Variants in TENT2 observed in about 807,000 individuals in gnomAD.
TENT2 encodes the protein terminal nucleotidyltransferase 2, also known as poly(A) RNA polymerase GLD2.
TENT2 carries 44 observed loss-of-function variants against 72.2 expected under a neutral mutation model. That is an observed-to-expected ratio of 0.61 (90% CI 0.48 to 0.78). The LOEUF is 0.78. Among genes scored for constraint, TENT2 ranks in the 30% least tolerant of loss-of-function variants. TENT2 has a pLI of 0.00. For missense variants in TENT2, 541 were observed against 569.6 expected (o/e 0.95, Z 0.51); for synonymous variants, 212 against 192.5 (o/e 1.10, Z -0.84).
Position 79,623,486 on chromosome 5 carries a change from TA to T in TENT2, c.464del (p.Lys155SerfsTer2). The T allele has an allele frequency of 6.3e-7, 1 of 1,589,194 alleles. No homozygotes were observed. ...REITLPEAKDKLSQQILELFE... is the reference protein window; with the variant it reads ...REITLPEAKDXLSQQILELFE... ...AAATCACACTGCCTGAGGCCAAAGA[TA>T]AGGTAATAATAATGTAGATTTTAGT... On this transcript the variant is annotated frameshift_variant and splice_region_variant, in exon 4 of 15. Coordinates refer to ENST00000453514, the MANE Select transcript of TENT2 (RefSeq NM_001114394.3). LOFTEE classifies it high-confidence loss of function.
intron 4 of TENT2, among the ~76,000 whole-genome samples, chr5:79,627,798 T>TTA (rs1771639683): frequency 6.6e-6 from 1 of 152,206 alleles, no homozygotes; most frequent in African/African-American, 2.4e-5. Context: ...ACCAATTTCT[T>TTA]TGAGTGCCAC....
intron 10 of TENT2, among the ~76,000 whole-genome samples, chr5:79,650,746 C>T (rs1439439775): frequency 6.6e-6 from 1 of 151,990 alleles, no homozygotes; most frequent in Non-Finnish European, 1.5e-5. Flanking sequence ...TTGGGGATTA[C>T]AATTTTGTTA....
At chr5:79,614,577 A>G (rs1580125465) in intron 1 of TENT2, among the ~76,000 whole-genome samples, 1 of 152,228 alleles carries the variant, frequency 6.6e-6, no homozygotes, top group Admixed American at 6.5e-5. Flanking sequence ...AAAATTGGAT[A>G]TTGCCAATAT....
At position 79,686,914 on chromosome 5, in the gene TENT2, T is replaced by A. The variant is rs1006793859; in HGVS notation, c.*1641T>A. On this transcript the variant is annotated 3_prime_UTR_variant, in exon 15 of 15. Transcript: ENST00000453514. ...TGTGCATCTCTTAATCAGAATGTAC[T>A]GAGTAGAGTTAATATTCTAGTGATG... Among the ~76,000 whole-genome samples the A allele has an allele frequency of 3.3e-5, 5 of 152,326 alleles. No homozygotes were observed. The South Asian group carries it at 1.0e-3, about 32-fold the overall frequency.
intron 14 of TENT2, among the ~76,000 whole-genome samples, chr5:79,684,659 TTA>T (rs1825192147): frequency 4.6e-5 from 7 of 152,256 alleles, no homozygotes; most frequent in African/African-American, 1.7e-4. Flanking sequence ...TTTGTCTTAA[TTA>T]CCTTGCTACT....
intron 11 of TENT2, among the ~76,000 whole-genome samples, chr5:79,666,961 G>A (rs184275109): frequency 8.4e-4 from 128 of 152,206 alleles, no homozygotes; most frequent in Non-Finnish European, 1.6e-3. Context: ...TTGGATTTCT[G>A]CTTCAGTTCT....
chr5:79,650,595 C>G (rs188886225), intron 10 of TENT2, among the ~76,000 whole-genome samples: 1 of 152,080 alleles, frequency 6.6e-6, no homozygotes. Flanking sequence ...ATAATATTAG[C>G]AATTTTGTCA....
At chr5:79,642,933 TTGTA>T in intron 7 of TENT2, 23 bp downstream of exon 7, 1 of 1,604,632 alleles carries the variant, frequency 6.2e-7, no homozygotes, top group Non-Finnish European at 8.5e-7. Context: ...TGCCTCAAGT[TTGTA>T]TGTCACCTGA....
intron 10 of TENT2, among the ~76,000 whole-genome samples, chr5:79,653,740 A>G (rs867718098): frequency 1.3e-5 from 2 of 152,166 alleles, no homozygotes; most frequent in South Asian, 2.1e-4. Context: ...GAGATGATTA[A>G]AATAGTTGCT....
At chr5:79,646,630 A>G (rs1307873784) in intron 8 of TENT2, among the ~76,000 whole-genome samples, 2 of 152,208 alleles carry the variant, frequency 1.3e-5, no homozygotes, top group Non-Finnish European at 2.9e-5. Context: ...GATATAAAAT[A>G]TATAGGGAGA....
At chr5:79,632,631 A>G (rs1428880854) in intron 4 of TENT2, among the ~76,000 whole-genome samples, 2 of 152,202 alleles carry the variant, frequency 1.3e-5, no homozygotes, top group African/African-American at 4.8e-5. Flanking sequence ...TAAAAAGACA[A>G]TTATTAAAGA....
chr5:79,652,230 G>C (rs1189390494), intron 10 of TENT2, among the ~76,000 whole-genome samples: 1 of 151,896 alleles, frequency 6.6e-6, no homozygotes, highest in Non-Finnish European at 1.5e-5. Flanking sequence ...AAATTTTCTA[G>C]AATAGGGGAA....
At chr5:79,657,927 A>T (rs188296565) in intron 11 of TENT2, among the ~76,000 whole-genome samples, 3 of 152,336 alleles carry the variant, frequency 2.0e-5, no homozygotes, top group Admixed American at 6.5e-5. Context: ...AAACTTATTT[A>T]TTGTGTCACA....
intron 12 of TENT2, among the ~76,000 whole-genome samples, chr5:79,674,665 A>G (rs1815778404): frequency 6.6e-6 from 1 of 152,240 alleles, no homozygotes; most frequent in South Asian, 2.1e-4. Context: ...ACACACACAC[A>G]CAAATGTGGC....
rs1222321714 is a variant in TENT2, at chr5:79,645,071, CTG to C, written c.752-49_752-48del. The C allele has an allele frequency of 4.0e-5, 58 of 1,436,704 alleles. No individual in the cohort carries two copies. In the Middle Eastern group the frequency reaches 7.2e-4, roughly 18 times the overall value. The allele number at this position is 1,436,704 out of a possible 1,614,324, so 89.0% of individuals were successfully genotyped here. On this transcript the variant is annotated intron_variant, in intron 7 of 14. Transcript: ENST00000453514. ...TTTTTAAAAAATGTGCGTTGGAACA[CTG>C]TGAATTCTAGAAACATTTGCAGCTA...
intron 14 of TENT2, among the ~76,000 whole-genome samples, chr5:79,682,880 A>G (rs1409909459): frequency 6.6e-6 from 1 of 152,162 alleles, no homozygotes; most frequent in Non-Finnish European, 1.5e-5. Flanking sequence ...ACTTCACAAC[A>G]CATTGTAGAA....
chr5:79,683,313 T>TCACACACACACACACA (rs111701863), intron 14 of TENT2, among the ~76,000 whole-genome samples: 1 of 145,652 alleles, frequency 6.9e-6, no homozygotes, highest in African/African-American at 2.5e-5. Context: ...ACGCACATGC[T>TCACACACACACACACA]CACACACACA....
At chr5:79,674,381 G>C (rs930833889) in intron 12 of TENT2, among the ~76,000 whole-genome samples, 2 of 152,182 alleles carry the variant, frequency 1.3e-5, no homozygotes, top group African/African-American at 4.8e-5. Context: ...CAGCCTGGGC[G>C]ACAGGGCGAG....
At chr5:79,634,620 T>G (rs1778619482) in intron 4 of TENT2, among the ~76,000 whole-genome samples, 1 of 152,164 alleles carries the variant, frequency 6.6e-6, no homozygotes, top group Admixed American at 6.5e-5. Context: ...ATTTCAGATG[T>G]GAGCCACTGC....
Sources: gnomAD v4.1 joint callset for allele counts (sites outside exome capture counted in the v4.1 genomes callset) on GRCh38, gnomAD v4.1.1 for gene constraint, MANE v1.5 for transcripts, NCBI Gene and HGNC (gene_info 2026-07-23, HGNC 2026-07-21) for gene names.